Variants in SEC14L1 observed in about 807,000 individuals in gnomAD.
SEC14L1 encodes the protein SEC14 like lipid binding 1, also known as SEC14-like protein 1.
A neutral mutation model predicts 85.3 loss-of-function variants in SEC14L1; 48 were observed. That is an observed-to-expected ratio of 0.56 (90% CI 0.45 to 0.72). The LOEUF is 0.72. Among genes scored for constraint, SEC14L1 ranks in the 30% least tolerant of loss-of-function variants. SEC14L1 has a pLI of 0.00. For missense variants in SEC14L1, 682 were observed against 921.4 expected (o/e 0.74, Z 3.36); for synonymous variants, 391 against 355.5 (o/e 1.10, Z -1.12).
At chr17:77,132,277 G>C (rs962525682) in intron 3 of SEC14L1, among the ~76,000 whole-genome samples, 5 of 144,440 alleles carry the variant, frequency 3.5e-5, no homozygotes, top group African/African-American at 1.1e-4. Flanking sequence ...ACCCAGGCTA[G>C]AGTGCAGTGG....
chr17:77,171,731 G>A (rs1378606945), intron 3 of SEC14L1, among the ~76,000 whole-genome samples: 6 of 152,304 alleles, frequency 3.9e-5, no homozygotes, highest in Non-Finnish European at 2.9e-5. Flanking sequence ...ACATGTTTGC[G>A]CAGAGCAGGT....
upstream of SEC14L1, among the ~76,000 whole-genome samples, chr17:77,138,768 C>T (rs763169414): frequency 9.9e-5 from 15 of 151,980 alleles, no homozygotes; most frequent in Admixed American, 2.0e-4. Context: ...ATGCTGCAGA[C>T]GGCTATGATT....
At chr17:77,172,662 C>G (rs1334216655) in intron 3 of SEC14L1, among the ~76,000 whole-genome samples, 1 of 152,124 alleles carries the variant, frequency 6.6e-6, no homozygotes, top group African/African-American at 2.4e-5. Flanking sequence ...CTATTGGTAA[C>G]AAAATGGAGC....
At chr17:77,181,713 G>A (rs1348903837) in intron 3 of SEC14L1, among the ~76,000 whole-genome samples, 2 of 152,222 alleles carry the variant, frequency 1.3e-5, no homozygotes, top group African/African-American at 4.8e-5. Context: ...ACCCCACCCA[G>A]CTAGTTATGA....
In SEC14L1 at chr17:77,193,409, CTT is replaced by C; in HGVS notation, c.346-10_346-9del. The C allele has an allele frequency of 1.9e-6, 3 of 1,590,886 alleles. No homozygotes were observed. The highest frequency in any genetic ancestry group is 2.6e-6 in the Non-Finnish European group (3 of 1,164,154). ...AATTCAGTCAGTGAGAGTGCTTTCT[CTT>C]TATCTGCAGGTTCACCCTGAAAATG... On this transcript the variant is annotated splice_polypyrimidine_tract_variant and intron_variant, in intron 5 of 16. Transcript: ENST00000436233.
At chr17:77,120,406 G>A (rs954588082) in intron 3 of SEC14L1, among the ~76,000 whole-genome samples, 19 of 151,970 alleles carry the variant, frequency 1.3e-4, no homozygotes, top group African/African-American at 2.9e-4. Flanking sequence ...GTGTGTCTGC[G>A]TGTTCTACTC....
intron 3 of SEC14L1, among the ~76,000 whole-genome samples, chr17:77,147,800 G>C (rs1324081012): frequency 6.6e-6 from 1 of 152,166 alleles, no homozygotes; most frequent in African/African-American, 2.4e-5. Context: ...CCTGTGTTTT[G>C]ACAAAGGTGT....
chr17:77,176,003 T>TA (rs1974733835), intron 3 of SEC14L1, among the ~76,000 whole-genome samples: 1 of 152,022 alleles, frequency 6.6e-6, no homozygotes, highest in South Asian at 2.1e-4. Context: ...GAAAACCAAT[T>TA]AGGAGACTGG....
intron 3 of SEC14L1, among the ~76,000 whole-genome samples, chr17:77,158,611 T>C (rs1973911075): frequency 6.6e-6 from 1 of 150,728 alleles, no homozygotes; most frequent in Non-Finnish European, 1.5e-5. Flanking sequence ...CAGAATTCCC[T>C]TCCTCTTCAG....
At chr17:77,141,980 A>G (rs998687640) in intron 1 of SEC14L1, among the ~76,000 whole-genome samples, 1 of 152,240 alleles carries the variant, frequency 6.6e-6, no homozygotes, top group Non-Finnish European at 1.5e-5. Context: ...TGTCAGTCGC[A>G]TAATCAAGAT....
rs553639761 is a variant in SEC14L1 at position 77,215,539 on chromosome 17, C to T, written c.*1516C>T. On this transcript the variant is annotated 3_prime_UTR_variant, in exon 17 of 17. Transcript: ENST00000436233. ...GTGCCCCGTGCAGGGATCAGGAGGG[C>T]GGGGGAGGGACCGAGCAGCCCTCTT... 22 of 986,424 alleles carry T rather than the reference C, an allele frequency of 2.2e-5. No individual in the cohort carries two copies. The highest frequency in any genetic ancestry group is 5.2e-4 in the Middle Eastern group (1 of 1,916). 61.1% of individuals were successfully genotyped at this position (986,424 alleles called of 1,614,324 possible). A position where few individuals can be genotyped will look rare whatever the true frequency, so the allele number is the denominator to read the frequency against.
chr17:77,150,809 G>A (rs1236209863), intron 3 of SEC14L1, among the ~76,000 whole-genome samples: 2 of 152,136 alleles, frequency 1.3e-5, no homozygotes, highest in Admixed American at 6.5e-5. Flanking sequence ...CCGCCCACCC[G>A]TACCTTGCCT....
chr17:77,143,753 A>G (rs932555722), intron 3 of SEC14L1, 94 bp downstream of exon 3: 16 of 891,418 alleles, frequency 1.8e-5, no homozygotes, highest in East Asian at 1.6e-4. Flanking sequence ...GTTCGTCTCC[A>G]TGGCATCACT....
chr17:77,203,900 C>T (rs141087236), intron 10 of SEC14L1, among the ~76,000 whole-genome samples: 2 of 152,296 alleles, frequency 1.3e-5, no homozygotes, highest in African/African-American at 4.8e-5. Context: ...TGTGTAGCAG[C>T]AGTTTGAGTC....
intron 3 of SEC14L1, among the ~76,000 whole-genome samples, chr17:77,167,850 T>C (rs1459333144): frequency 6.6e-6 from 1 of 152,218 alleles, no homozygotes; most frequent in Non-Finnish European, 1.5e-5. Context: ...TAAGCGGTGC[T>C]GAAGAGAAAA....
chr17:77,096,646 T>A (rs1317002167), intron 3 of SEC14L1, among the ~76,000 whole-genome samples: 1 of 152,166 alleles, frequency 6.6e-6, no homozygotes, highest in Non-Finnish European at 1.5e-5. Context: ...AATTTCTCTC[T>A]TCGTCCACTA....
intron 3 of SEC14L1, among the ~76,000 whole-genome samples, chr17:77,097,600 G>A (rs1005404444): frequency 1.3e-5 from 2 of 150,842 alleles, no homozygotes; most frequent in African/African-American, 4.9e-5. Context: ...CTGATTGTTA[G>A]CTGGTGGGAA....
chr17:77,149,968 T>C (rs1019826146), intron 3 of SEC14L1, among the ~76,000 whole-genome samples: 3 of 152,168 alleles, frequency 2.0e-5, no homozygotes, highest in Non-Finnish European at 2.9e-5. Flanking sequence ...AAAAACCTGC[T>C]TACCAGTGTA....
intron 13 of SEC14L1, 78 bp from the exon 14 acceptor site, chr17:77,209,264 A>T: frequency 6.5e-7 from 1 of 1,546,686 alleles, no homozygotes; most frequent in South Asian, 1.2e-5. Context: ...GCAGGGGGAT[A>T]GTGCTGGCCG....
Sources: gnomAD v4.1 joint callset for allele counts (sites outside exome capture counted in the v4.1 genomes callset) on GRCh38, gnomAD v4.1.1 for gene constraint, MANE v1.5 for transcripts, NCBI Gene and HGNC (gene_info 2026-07-23, HGNC 2026-07-21) for gene names.